CCDC146: variants seen among roughly 807,000 people sequenced by gnomAD.
CCDC146 encodes coiled-coil domain containing 146, also known as coiled-coil domain-containing protein 146.
In CCDC146, 92 loss-of-function variants were observed where a neutral mutation model predicts 119.3. The observed-to-expected ratio is 0.77, with a 90% confidence interval of 0.65 to 0.92. CCDC146 has a LOEUF of 0.92. CCDC146 is among the 40% of genes least tolerant of loss of function. CCDC146 has a pLI of 0.00. For missense variants in CCDC146, 1,000 were observed against 1,103.0 expected (o/e 0.91, Z 1.32); for synonymous variants, 372 against 371.8 (o/e 1.00, Z -0.01).
intron 2 of CCDC146, among the ~76,000 whole-genome samples, chr7:77,178,881 T>C (rs1159698439): frequency 4.6e-5 from 7 of 152,166 alleles, no homozygotes; most frequent in African/African-American, 1.2e-4. Flanking sequence ...TTTTAATACA[T>C]TGGGGACTAA....
chr7:77,215,964 G>T (rs1792294676), intron 2 of CCDC146, among the ~76,000 whole-genome samples: 1 of 151,890 alleles, frequency 6.6e-6, no homozygotes, highest in Admixed American at 6.6e-5. Flanking sequence ...CATTGTTAAA[G>T]TATATTTAAA....
chr7:77,144,336 T>C (rs1469498094), intron 1 of CCDC146, among the ~76,000 whole-genome samples: 2 of 151,840 alleles, frequency 1.3e-5, no homozygotes, highest in Admixed American at 6.6e-5. Flanking sequence ...TGGGGTTTTC[T>C]AAATATACAA....
At chr7:77,170,257 C>T (rs1467230818) in intron 2 of CCDC146, among the ~76,000 whole-genome samples, 1 of 152,162 alleles carries the variant, frequency 6.6e-6, no homozygotes, top group African/African-American at 2.4e-5. Flanking sequence ...CATTAATTCA[C>T]TCAGGATTGT....
intron 4 of CCDC146, chr7:77,242,485 G>C: frequency 1.6e-6 from 1 of 614,454 alleles, no homozygotes; most frequent in Non-Finnish European, 2.0e-6. Context: ...ACGTCATTTA[G>C]TGAACTAAAG....
intron 1 of CCDC146, among the ~76,000 whole-genome samples, chr7:77,160,988 A>G (rs1791252520): frequency 6.6e-6 from 1 of 152,242 alleles, no homozygotes; most frequent in Non-Finnish European, 1.5e-5. Context: ...ACATGAACAG[A>G]CACTTCACAA....
At chr7:77,145,732 G>A (rs950712916) in intron 1 of CCDC146, among the ~76,000 whole-genome samples, 23 of 152,242 alleles carry the variant, frequency 1.5e-4, no homozygotes, top group African/African-American at 5.3e-4. Context: ...GCGGTTTTGA[G>A]TGAGTTTCTT....
intron 2 of CCDC146, among the ~76,000 whole-genome samples, chr7:77,210,441 T>C (rs2868692): frequency 0.45 from 67,692 of 152,016 alleles, 17,595 homozygotes; most frequent in African/African-American, 0.72. Context: ...GCAGCCTGGA[T>C]TTCACTGTCC....
intron 1 of CCDC146, among the ~76,000 whole-genome samples, chr7:77,144,970 C>G (rs1256360501): frequency 6.6e-6 from 1 of 151,658 alleles, no homozygotes; most frequent in Non-Finnish European, 1.5e-5. Flanking sequence ...TTTCTATTGA[C>G]TGGAATAGTT....
At chr7:77,173,736 G>A (rs1376546893) in intron 2 of CCDC146, among the ~76,000 whole-genome samples, 3 of 152,218 alleles carry the variant, frequency 2.0e-5, no homozygotes, top group Non-Finnish European at 2.9e-5. Context: ...CCATTGCTGC[G>A]TAACTATGAG....
intron 2 of CCDC146, among the ~76,000 whole-genome samples, chr7:77,207,733 T>A (rs561569807): frequency 7.9e-5 from 12 of 152,336 alleles, no homozygotes; most frequent in African/African-American, 2.6e-4. Context: ...AGGCCTTAAG[T>A]TTCTTATCTC....
At chr7:77,287,617 C>T in intron 17 of CCDC146, 40 bp downstream of exon 17, 1 of 1,588,056 alleles carries the variant, frequency 6.3e-7, no homozygotes, top group East Asian at 2.3e-5. Context: ...TGCCCCTGCT[C>T]CTTTATTACC....
intron 17 of CCDC146, among the ~76,000 whole-genome samples, chr7:77,288,769 G>T (rs530321745): frequency 4.6e-5 from 7 of 152,310 alleles, no homozygotes; most frequent in African/African-American, 1.4e-4. Flanking sequence ...GGAGACAGAT[G>T]AAAACAGATA....
intron 2 of CCDC146, among the ~76,000 whole-genome samples, chr7:77,200,719 G>A (rs534719916): frequency 1.2e-4 from 18 of 152,204 alleles, no homozygotes; most frequent in Non-Finnish European, 2.5e-4. Flanking sequence ...TGGGCCACTT[G>A]GTATATCAGC....
intron 1 of CCDC146, among the ~76,000 whole-genome samples, chr7:77,166,545 G>A (rs950276711): frequency 6.6e-6 from 1 of 151,168 alleles, no homozygotes; most frequent in Non-Finnish European, 1.5e-5. Context: ...GCAGAAAAGT[G>A]AGCCAGAAAA....
chr7:77,211,322 T>A (rs73373603), intron 2 of CCDC146, among the ~76,000 whole-genome samples: 4,045 of 152,294 alleles, frequency 0.027, 145 homozygotes, highest in African/African-American at 0.082. Context: ...AATAGAATCA[T>A]ACAAAATGTA....
chr7:77,206,655 ATATATATAT>A (rs778290953), intron 2 of CCDC146, among the ~76,000 whole-genome samples: 3,717 of 86,902 alleles, frequency 0.043, 146 homozygotes, highest in African/African-American at 0.14. Context: ...ATACATATAT[ATATATATAT>A]ATATATATAC....
chr7:77,269,866 A>G (rs143973933), intron 9 of CCDC146, among the ~76,000 whole-genome samples: 1 of 152,342 alleles, frequency 6.6e-6, no homozygotes, highest in East Asian at 1.9e-4. Context: ...GCCACTGCCC[A>G]CAGCTGGCAG....
At chr7:77,239,159 C>T (rs566104241) in intron 3 of CCDC146, among the ~76,000 whole-genome samples, 5 of 152,094 alleles carry the variant, frequency 3.3e-5, no homozygotes, top group African/African-American at 2.4e-5. Flanking sequence ...GGGTAAGTTG[C>T]GATTTGTGTT....
intron 6 of CCDC146, 124 bp downstream of exon 6, chr7:77,256,633 A>G: frequency 1.4e-6 from 1 of 717,790 alleles, no homozygotes. Flanking sequence ...AAATATCTGC[A>G]TTGCGATTGA....
Sources: allele counts gnomAD v4.1 joint callset (sites outside exome capture counted in the v4.1 genomes callset), GRCh38; gene constraint gnomAD v4.1.1; transcripts MANE v1.5; gene names NCBI Gene and HGNC (gene_info 2026-07-23, HGNC 2026-07-21).